Variants in CYBRD1 observed in about 807,000 individuals in gnomAD.
The protein encoded by CYBRD1 is cytochrome b reductase 1, also known as plasma membrane ascorbate-dependent reductase CYBRD1.
In CYBRD1, 14 loss-of-function variants were observed where a neutral mutation model predicts 21.9. The observed-to-expected ratio is 0.64, with a 90% CI of 0.42 to 1.00. The LOEUF is 1.00. Among genes scored for constraint, CYBRD1 ranks in the 50% least tolerant of loss-of-function variants. CYBRD1 has a pLI of 0.00. For synonymous variants in CYBRD1, 146 were observed against 136.5 expected, an observed-to-expected ratio of 1.07 and a Z score of -0.48; for missense variants, 328 against 352.5, an observed-to-expected ratio of 0.93 and a Z score of 0.56.
intron 2 of CYBRD1, among the ~76,000 whole-genome samples, chr2:171,547,646 T>C (rs959857866): frequency 6.6e-6 from 1 of 152,080 alleles, no homozygotes; most frequent in African/African-American, 2.4e-5. Flanking sequence ...AAAGAATTGT[T>C]GGCTTGGGGT....
chr2:171,539,252 G>A (rs952280750), intron 1 of CYBRD1, among the ~76,000 whole-genome samples: 1 of 152,144 alleles, frequency 6.6e-6, no homozygotes, highest in South Asian at 2.1e-4. Context: ...GGGATGCTGA[G>A]GCGGGTGGTG....
chr2:171,539,343 G>A (rs62181676), intron 1 of CYBRD1, among the ~76,000 whole-genome samples: 14,133 of 152,082 alleles, frequency 0.093, 759 homozygotes, highest in Middle Eastern at 0.17. Context: ...AAATAGCAGC[G>A]TGTGGTGGTG....
intron 1 of CYBRD1, among the ~76,000 whole-genome samples, chr2:171,525,252 T>C (rs991848816): frequency 6.6e-6 from 1 of 152,242 alleles, no homozygotes; most frequent in Non-Finnish European, 1.5e-5. Flanking sequence ...TTGTTTTCTT[T>C]AGGTTCAATT....
At chr2:171,533,908 A>C (rs902712386) in intron 1 of CYBRD1, among the ~76,000 whole-genome samples, 1 of 151,728 alleles carries the variant, frequency 6.6e-6, no homozygotes, top group Non-Finnish European at 1.5e-5. Flanking sequence ...GTTTCACCAC[A>C]TTGGCCAGGA....
chr2:171,547,869 C>T (rs1356450661), intron 2 of CYBRD1, among the ~76,000 whole-genome samples: 3 of 151,976 alleles, frequency 2.0e-5, no homozygotes, highest in African/African-American at 4.8e-5. Context: ...TGCTCATAAT[C>T]ATGAACTTGG....
In CYBRD1 at chr2:171,555,902, C is replaced by T. The variant is rs562124515; in HGVS notation, c.*1075C>T. The T allele has an allele frequency of 6.6e-6, 1 of 152,324 alleles. No individual in the cohort carries two copies. Among genetic ancestry groups the T allele is most frequent in the Admixed American group, 6.5e-5 (1 of 15,296 alleles). 9.4% of individuals were successfully genotyped at this position (152,324 alleles called of 1,614,324 possible). On this transcript the variant is annotated 3_prime_UTR_variant, in exon 4 of 4. Coordinates refer to ENST00000321348, the MANE Select transcript of CYBRD1 (RefSeq NM_024843.4). ...TCTGGATTCTAACCATTTCACTAAGCTATTTTTGTCTTGTACTACTTTGAC... is the reference window on the plus strand; with the variant it reads ...TCTGGATTCTAACCATTTCACTAAGTTATTTTTGTCTTGTACTACTTTGAC...
chr2:171,522,523 G>A lies in CYBRD1; in HGVS notation c.-23G>A. On this transcript the variant is annotated 5_prime_UTR_variant, in exon 1 of 4. Transcript: ENST00000321348. This position sits in a 1 kb window ranked among gnomAD's most constrained non-coding sequence, Gnocchi z 4.3. ...GCCTCTCCAAGTTCTTGTGGCCCCCGCGGTGCGGAGTATGGGGCGCTGATG... is the reference window on the plus strand; with the variant it reads ...GCCTCTCCAAGTTCTTGTGGCCCCCACGGTGCGGAGTATGGGGCGCTGATG... The A allele has an allele frequency of 6.3e-7, 1 of 1,577,706 alleles. No individual in the cohort carries two copies. The highest frequency in any genetic ancestry group is 8.6e-7 in the Non-Finnish European group (1 of 1,162,900).
In CYBRD1 at chr2:171,541,649, T is replaced by C. The variant is rs766461181; in HGVS notation, c.258T>C (p.His86=). The change falls in exon 2 of 4, where the codon CAT becomes CAC. Residue 86 remains histidine, a synonymous_variant. Transcript: ENST00000321348. ...GCAAGCTCCTGATGAAATCCATCCA[T>C]GCAGGGTTAAATGCAGTTGCTGCCA... ...KCSKLLMKSI[H]AGLNAVAAIL... 2.5e-6 allele frequency: 4 copies of C among 1,613,954 alleles called. No homozygotes were observed. In the Admixed American group the frequency reaches 5.0e-5, roughly 20 times the overall value.
At chr2:171,539,438 C>T (rs755867816) in intron 1 of CYBRD1, among the ~76,000 whole-genome samples, 11 of 152,018 alleles carry the variant, frequency 7.2e-5, no homozygotes, top group Non-Finnish European at 1.6e-4. Context: ...GAGCTGTGAT[C>T]GCAACACTAC....
intron 1 of CYBRD1, among the ~76,000 whole-genome samples, chr2:171,525,957 A>G (rs933124350): frequency 6.7e-6 from 1 of 150,218 alleles, no homozygotes; most frequent in Non-Finnish European, 1.5e-5. Context: ...TAAAAAAAAA[A>G]AAAAAAAAAA....
At chr2:171,539,075 G>A (rs917170607) in intron 1 of CYBRD1, among the ~76,000 whole-genome samples, 4 of 152,184 alleles carry the variant, frequency 2.6e-5, no homozygotes, top group African/African-American at 9.6e-5. Flanking sequence ...TGAAATTACA[G>A]CACCGAGTGG....
chr2:171,531,621 G>A (rs1355146758), intron 1 of CYBRD1, among the ~76,000 whole-genome samples: 2 of 152,028 alleles, frequency 1.3e-5, no homozygotes, highest in African/African-American at 4.8e-5. Context: ...CTCAAATTAT[G>A]ATGGGGTTTT....
At chr2:171,546,859 G>A (rs17554) in intron 2 of CYBRD1, among the ~76,000 whole-genome samples, 45,607 of 151,894 alleles carry the variant, frequency 0.3, 7,226 homozygotes, top group Non-Finnish European at 0.35. Flanking sequence ...TGGTATTTGA[G>A]GAGTAGGGAG....
At position 171,553,457 on chromosome 2, in the gene CYBRD1, G is replaced by A. The variant is rs986366837; in HGVS notation, c.514G>A (p.Ala172Thr). 6.2e-7 allele frequency: 1 copy of A among 1,613,444 alleles called. No individual in the cohort carries two copies. Among genetic ancestry groups the A allele is most frequent in the Admixed American group, 1.7e-5 (1 of 59,998 alleles). Residue 172 changes from alanine to threonine, a missense_variant, in exon 3 of 4, where the codon GCA becomes ACA. Transcript: ENST00000321348. ...AATTGTCATCTTTGGAACAGTGATT[G>A]CAACAGCACTTATGGGATTGACAGA... ...SGIVIFGTVI[A>T]TALMGLTEKL...
intron 1 of CYBRD1, among the ~76,000 whole-genome samples, chr2:171,537,569 A>C (rs533202656): frequency 6.6e-6 from 1 of 152,312 alleles, no homozygotes; most frequent in East Asian, 1.9e-4. Context: ...AGAAAAAAAT[A>C]AAAAATAAGT....
At chr2:171,544,454 A>G (rs973337608) in intron 2 of CYBRD1, among the ~76,000 whole-genome samples, 1 of 152,202 alleles carries the variant, frequency 6.6e-6, no homozygotes, top group African/African-American at 2.4e-5. Flanking sequence ...AGGTCAAAAT[A>G]TCATCTTATG....
chr2:171,553,234 T>C, intron 2 of CYBRD1, 112 bp from the exon 3 acceptor site: 1 of 1,273,670 alleles, frequency 7.9e-7, no homozygotes, highest in Non-Finnish European at 1.1e-6. Flanking sequence ...TTTTCTACCC[T>C]TTGGTTCTAT....
chr2:171,551,958 T>G (rs1410854251), intron 2 of CYBRD1, among the ~76,000 whole-genome samples: 1 of 152,182 alleles, frequency 6.6e-6, no homozygotes, highest in Non-Finnish European at 1.5e-5. Flanking sequence ...TTTTTTTTCT[T>G]GCTTAACTCA....
chr2:171,535,282 G>T (rs1697528182), intron 1 of CYBRD1, among the ~76,000 whole-genome samples: 1 of 152,162 alleles, frequency 6.6e-6, no homozygotes, highest in Non-Finnish European at 1.5e-5. Flanking sequence ...ACCCCTAAGG[G>T]CTTCCCTTTA....
Sources: gnomAD v4.1 joint callset for allele counts (sites outside exome capture counted in the v4.1 genomes callset) on GRCh38, gnomAD v4.1.1 for gene constraint, Gnocchi (gnomAD v3.1) non-coding constraint, MANE v1.5 for transcripts, NCBI Gene and HGNC (gene_info 2026-07-23, HGNC 2026-07-21) for gene names.